Variants in VAT1L observed in about 807,000 individuals in gnomAD.
VAT1L encodes the protein vesicle amine transport 1 like, also known as putative NADPH-dependent quinone oxidoreductase VAT1L.
VAT1L carries 34 observed loss-of-function variants against 44.1 expected under a neutral mutation model. The observed-to-expected ratio is 0.77, with a 90% CI of 0.59 to 1.03. The LOEUF (loss-of-function observed/expected upper bound fraction) is 1.03, where lower values mean the gene tolerates loss of function less well. Among genes scored for constraint, VAT1L ranks in the 50% least tolerant of loss-of-function variants. The pLI, the probability that VAT1L is intolerant of heterozygous loss-of-function variation, is 0.00. For missense variants in VAT1L, 615 were observed against 538.8 expected (o/e 1.14, Z -1.40); for synonymous variants, 253 against 202.2 (o/e 1.25, Z -2.13).
At chr16:77,799,620 AAG>A (rs971191056) in intron 1 of VAT1L, among the ~76,000 whole-genome samples, 1 of 150,958 alleles carries the variant, frequency 6.6e-6, no homozygotes, top group Non-Finnish European at 1.5e-5. Context: ...AATTACCAGA[AAG>A]AGGGGGATAA....
At chr16:77,894,111 A>G (rs2017296574) in intron 7 of VAT1L, among the ~76,000 whole-genome samples, 1 of 152,158 alleles carries the variant, frequency 6.6e-6, no homozygotes, top group Non-Finnish European at 1.5e-5. Flanking sequence ...AGTCCATGCT[A>G]TGGACATTAG....
intron 7 of VAT1L, among the ~76,000 whole-genome samples, chr16:77,945,994 G>A (rs687178): frequency 6.6e-6 from 1 of 151,904 alleles, no homozygotes; most frequent in Non-Finnish European, 1.5e-5. Flanking sequence ...CAGAGACAGG[G>A]TTTCACCATG....
At chr16:77,901,347 G>A (rs566944813) in intron 7 of VAT1L, among the ~76,000 whole-genome samples, 1 of 151,754 alleles carries the variant, frequency 6.6e-6, no homozygotes, top group Non-Finnish European at 1.5e-5. Context: ...GTATTTTTTA[G>A]TAGAGATGGG....
chr16:77,949,419 C>A (rs2018013140), intron 7 of VAT1L, among the ~76,000 whole-genome samples: 1 of 152,092 alleles, frequency 6.6e-6, no homozygotes, highest in Non-Finnish European at 1.5e-5. Context: ...AAAGAATAGG[C>A]AATGTGCTAA....
intron 2 of VAT1L, among the ~76,000 whole-genome samples, chr16:77,823,305 T>G (rs548498123): frequency 6.6e-6 from 1 of 152,272 alleles, no homozygotes; most frequent in South Asian, 2.1e-4. Context: ...GGCTTAAGAC[T>G]GCATTCTCTT....
chr16:77,956,878 G>A (rs1267787340), intron 7 of VAT1L, among the ~76,000 whole-genome samples: 1 of 152,134 alleles, frequency 6.6e-6, no homozygotes, highest in Non-Finnish European at 1.5e-5. Flanking sequence ...TAATTTTGCA[G>A]CCTAGGAACC....
At chr16:77,907,407 G>C (rs1452894953) in intron 7 of VAT1L, among the ~76,000 whole-genome samples, 1 of 152,134 alleles carries the variant, frequency 6.6e-6, no homozygotes, top group Non-Finnish European at 1.5e-5. Flanking sequence ...GAAAATCTCA[G>C]AACATTGAGA....
chr16:77,919,928 T>C (rs959478658), intron 7 of VAT1L, among the ~76,000 whole-genome samples: 1 of 151,832 alleles, frequency 6.6e-6, no homozygotes, highest in African/African-American at 2.4e-5. Context: ...CTCTACTAAA[T>C]AAATAAATAG....
rs183150592 is a variant in VAT1L at position 77,939,456 on chromosome 16, A to G, written c.1078-32394A>G. ...GAACTGTGATAACTCAGCAAGTGCC[A>G]CAAATCAGGGCTCCCTTTAGAGATC... On this transcript the variant is annotated intron_variant, in intron 7 of 8. Transcript: ENST00000302536. Among the ~76,000 whole-genome samples the G allele has an allele frequency of 7.4e-4, 112 of 152,316 alleles. 1 individual carries two copies. The East Asian group carries it at 0.021, about 28-fold the overall frequency.
At chr16:77,829,737 G>T (rs2016559594) in intron 3 of VAT1L, among the ~76,000 whole-genome samples, 1 of 152,188 alleles carries the variant, frequency 6.6e-6, no homozygotes, top group Non-Finnish European at 1.5e-5. Context: ...GAGCCTTGTT[G>T]ATAAAGCTGC....
At chr16:77,933,216 CT>C (rs1232826004) in intron 7 of VAT1L, among the ~76,000 whole-genome samples, 4 of 152,290 alleles carry the variant, frequency 2.6e-5, no homozygotes, top group South Asian at 4.2e-4. Flanking sequence ...TAGTAAACCC[CT>C]ATCTTAGTTC....
intron 2 of VAT1L, 100 bp downstream of exon 2, chr16:77,817,150 G>C (rs2016370852): frequency 1.4e-6 from 2 of 1,476,168 alleles, no homozygotes; most frequent in African/African-American, 2.8e-5. Flanking sequence ...CCTATGGCGT[G>C]CATTATTATC....
chr16:77,905,439 C>A (rs1381919584), intron 7 of VAT1L, among the ~76,000 whole-genome samples: 2 of 152,060 alleles, frequency 1.3e-5, no homozygotes, highest in African/African-American at 4.8e-5. Flanking sequence ...TTCAGAAGTT[C>A]CCTGAAGGCA....
At chr16:77,924,140 G>A (rs995411716) in intron 7 of VAT1L, among the ~76,000 whole-genome samples, 5 of 152,014 alleles carry the variant, frequency 3.3e-5, no homozygotes, top group Admixed American at 6.5e-5. Flanking sequence ...CCTTTCTCCC[G>A]GAGAAGCTAT....
chr16:77,944,233 A>G (rs2017930539), intron 7 of VAT1L, among the ~76,000 whole-genome samples: 1 of 152,178 alleles, frequency 6.6e-6, no homozygotes, highest in Admixed American at 6.5e-5. Context: ...AAGAATAAAA[A>G]ACCCTGCTCT....
chr16:77,946,823 C>G (rs2017973642), intron 7 of VAT1L, among the ~76,000 whole-genome samples: 1 of 152,168 alleles, frequency 6.6e-6, no homozygotes, highest in South Asian at 2.1e-4. Context: ...TTCATAGCCA[C>G]CCCTCTGGGA....
At chr16:77,790,188 A>G (rs2145200070) in intron 1 of VAT1L, among the ~76,000 whole-genome samples, 1 of 152,306 alleles carries the variant, frequency 6.6e-6, no homozygotes, top group South Asian at 2.1e-4. Flanking sequence ...TAGTGGGAGA[A>G]GCAGCCGCTG....
intron 7 of VAT1L, among the ~76,000 whole-genome samples, chr16:77,901,723 C>A (rs937472450): frequency 6.6e-6 from 1 of 152,144 alleles, no homozygotes; most frequent in Non-Finnish European, 1.5e-5. Context: ...TCTCTCAGCA[C>A]AACATCCCAC....
intron 7 of VAT1L, among the ~76,000 whole-genome samples, chr16:77,971,567 A>G (rs1306241980): frequency 6.6e-6 from 1 of 152,186 alleles, no homozygotes; most frequent in East Asian, 1.9e-4. Context: ...TGAGAACTCC[A>G]GAGAACCTTC....
Sources: allele counts gnomAD v4.1 joint callset (sites outside exome capture counted in the v4.1 genomes callset), GRCh38; gene constraint gnomAD v4.1.1; transcripts MANE v1.5; gene names NCBI Gene and HGNC (gene_info 2026-07-23, HGNC 2026-07-21).